AK9: variants seen among roughly 807,000 people sequenced by gnomAD.
AK9 encodes adenylate kinase 9.
In AK9, 191 loss-of-function variants were observed where a neutral mutation model predicts 239.6. The observed-to-expected ratio is 0.80, with a 90% CI of 0.71 to 0.90. AK9 has a LOEUF of 0.90. Ranked by LOEUF, AK9 falls within the 40% of genes least tolerant of loss-of-function variation. The pLI, the probability that AK9 is intolerant of heterozygous loss-of-function variation, is 0.00. For synonymous variants in AK9, 689 were observed against 721.0 expected, an observed-to-expected ratio of 0.96 and a Z score of 0.71; for missense variants, 1,995 against 2,214.7, an observed-to-expected ratio of 0.90 and a Z score of 1.99.
At chr6:109,645,906 T>C (rs559574866) in intron 8 of AK9, among the ~76,000 whole-genome samples, 1 of 152,352 alleles carries the variant, frequency 6.6e-6, no homozygotes, top group Admixed American at 6.5e-5. Flanking sequence ...ATATTTGATG[T>C]TCTGTTCTAC....
chr6:109,513,444 T>C (rs1477154855), intron 32 of AK9, among the ~76,000 whole-genome samples: 1 of 152,258 alleles, frequency 6.6e-6, no homozygotes, highest in Non-Finnish European at 1.5e-5. Context: ...CTTGAGTTTT[T>C]AGTTCTTTGA....
At chr6:109,671,317 C>A (rs1562590831) in intron 5 of AK9, among the ~76,000 whole-genome samples, 1 of 152,090 alleles carries the variant, frequency 6.6e-6, no homozygotes, top group Admixed American at 6.5e-5. Context: ...TTATTCTTCT[C>A]CTCTTCTTTT....
Position 109,533,330 on chromosome 6 carries a change from T to C in AK9, c.3491A>G (p.Gln1164Arg). The change falls in exon 28 of 41, where the codon CAA (glutamine) becomes CGA (arginine). Residue 1164 changes from glutamine (Q) to arginine (R), a missense_variant. Coordinates refer to ENST00000424296, the MANE Select transcript of AK9 (RefSeq NM_001145128.3). Reference sequence around the variant, plus strand: ...TTGTTTTAGTTTCCACTTTTCAATTTGGGCAGGAAGGAGGCGATCAAAAAT... The same window carrying C: ...TTGTTTTAGTTTCCACTTTTCAATTCGGGCAGGAAGGAGGCGATCAAAAAT... Reference protein sequence around the residue: ...QDIFDRLLPAQIEKWKLKQKK... With the variant: ...QDIFDRLLPARIEKWKLKQKK... 1 of 1,612,238 alleles carries C rather than the reference T, an allele frequency of 6.2e-7. No individual in the cohort carries two copies. The highest frequency in any genetic ancestry group is 8.5e-7 in the Non-Finnish European group (1 of 1,179,404).
At chr6:109,653,072 G>C (rs1799194764) in intron 8 of AK9, among the ~76,000 whole-genome samples, 2 of 152,004 alleles carry the variant, frequency 1.3e-5, no homozygotes, top group South Asian at 4.2e-4. Context: ...GATTATAGGT[G>C]CCTGCCACCA....
At chr6:109,537,314 C>A (rs568646978) in intron 27 of AK9, among the ~76,000 whole-genome samples, 26 of 152,166 alleles carry the variant, frequency 1.7e-4, no homozygotes, top group Middle Eastern at 3.4e-3. Context: ...GATTCAACTT[C>A]TTCCTAGTTT....
In AK9 at chr6:109,634,950, G is replaced by A. The variant is rs1796531570; in HGVS notation, c.934-1627C>T. Among the ~76,000 whole-genome samples, 6 of 152,332 alleles carry A rather than the reference G, an allele frequency of 3.9e-5. 1 individual carries two copies. The South Asian group carries it at 1.2e-3, about 32-fold the overall frequency. On this transcript the variant is annotated intron_variant, in intron 10 of 40. Transcript: ENST00000424296. ...CAACTTCATGCCCATGGGGCCACAC[G>A]TTCAGCAGGTGCCGAAGGGAGAAGA...
intron 38 of AK9, 57 bp downstream of exon 38, chr6:109,497,408 C>A: frequency 8.9e-7 from 1 of 1,119,934 alleles, no homozygotes; most frequent in Non-Finnish European, 1.3e-6. Context: ...CCCCCGTTCC[C>A]AGCATGTTGC....
intron 1 of AK9, among the ~76,000 whole-genome samples, chr6:109,677,203 C>T (rs1405475063): frequency 6.6e-6 from 1 of 151,890 alleles, no homozygotes; most frequent in African/African-American, 2.4e-5. Flanking sequence ...ATGCAATTTA[C>T]CTATATAGTA....
intron 8 of AK9, among the ~76,000 whole-genome samples, chr6:109,647,241 T>C (rs1370539664): frequency 6.6e-6 from 1 of 152,158 alleles, no homozygotes; most frequent in African/African-American, 2.4e-5. Flanking sequence ...AATAACAATA[T>C]TAACTTTAAA....
chr6:109,528,677 C>G (rs1374923323), intron 29 of AK9: 1 of 472,608 alleles, frequency 2.1e-6, no homozygotes, highest in Non-Finnish European at 4.2e-6. Flanking sequence ...CATATTCACA[C>G]CAGGGTGACA....
At chr6:109,665,190 C>T (rs1801016022) in intron 5 of AK9, among the ~76,000 whole-genome samples, 1 of 152,190 alleles carries the variant, frequency 6.6e-6, no homozygotes, top group African/African-American at 2.4e-5. Flanking sequence ...AGCAATCCTA[C>T]CTAATTTAAC....
At chr6:109,608,113 T>TA (rs1425625739) in intron 17 of AK9, among the ~76,000 whole-genome samples, 1 of 151,358 alleles carries the variant, frequency 6.6e-6, no homozygotes, top group East Asian at 1.9e-4. Flanking sequence ...CCGTCTTTAC[T>TA]AAAAAAATAC....
chr6:109,591,892 C>G (rs1790294962), intron 17 of AK9, among the ~76,000 whole-genome samples: 1 of 151,524 alleles, frequency 6.6e-6, no homozygotes, highest in South Asian at 2.1e-4. Context: ...ACTGCCAGCA[C>G]TCATTTGATT....
chr6:109,683,624 AATT>A (rs1773009843), intron 1 of AK9, among the ~76,000 whole-genome samples: 1 of 152,196 alleles, frequency 6.6e-6, no homozygotes, highest in Non-Finnish European at 1.5e-5. Flanking sequence ...CAGAGGGCCA[AATT>A]ATGAGTGAAC....
chr6:109,648,363 A>G (rs1295841366), intron 8 of AK9, among the ~76,000 whole-genome samples: 1 of 152,176 alleles, frequency 6.6e-6, no homozygotes, highest in African/African-American at 2.4e-5. Context: ...TAAAGAAGAA[A>G]AGAGAGAAGA....
chr6:109,580,886 C>T (rs1049332420), intron 19 of AK9, among the ~76,000 whole-genome samples: 8 of 149,006 alleles, frequency 5.4e-5, no homozygotes, highest in Admixed American at 1.4e-4. Flanking sequence ...TGCTTCATTG[C>T]GCTTTACAGA....
In AK9 at chr6:109,493,422, G is replaced by A; in HGVS notation, c.5683C>T (p.His1895Tyr). ...EPQFRAIDFD[H>Y]KLKTFLSLRN... The stretch of plus-strand genomic sequence containing the variant: ...AGAGAGAGAAAGGTCTTTAACTTAT[G>A]ATCAAAGTCAATGGCTCTGAACTGA... Residue 1895 changes from histidine to tyrosine, a missense_variant, in exon 41 of 41, where the codon CAT becomes TAT. Physicochemically the swap from His to Tyr is moderately conservative, Grantham distance 83. Coordinates refer to ENST00000424296, the MANE Select transcript of AK9 (RefSeq NM_001145128.3). 1 of 1,614,142 alleles carries A rather than the reference G, an allele frequency of 6.2e-7. No homozygotes were observed. Among genetic ancestry groups the A allele is most frequent in the Non-Finnish European group, 8.5e-7 (1 of 1,180,032 alleles).
chr6:109,551,927 A>C (rs548315646), intron 24 of AK9, among the ~76,000 whole-genome samples: 1 of 152,062 alleles, frequency 6.6e-6, no homozygotes, highest in African/African-American at 2.4e-5. Context: ...CTTGGTGTCC[A>C]TGTGTTTTCA....
At chr6:109,638,286 C>T (rs1230338271) in intron 10 of AK9, among the ~76,000 whole-genome samples, 1 of 152,114 alleles carries the variant, frequency 6.6e-6, no homozygotes, top group Non-Finnish European at 1.5e-5. Flanking sequence ...TTTTTCCCAG[C>T]CTCTGTTCTG....
Sources: allele counts gnomAD v4.1 joint callset (sites outside exome capture counted in the v4.1 genomes callset), GRCh38; gene constraint gnomAD v4.1.1; transcripts MANE v1.5; gene names NCBI Gene and HGNC (gene_info 2026-07-23, HGNC 2026-07-21).